Variants in PKIB observed in about 807,000 individuals in gnomAD.
The protein encoded by PKIB is cAMP-dependent protein kinase inhibitor beta, also known as PKI-beta.
Under a neutral mutation model 4.5 loss-of-function variants are expected in PKIB, and 2 were observed. The observed-to-expected ratio is 0.44, with a 90% CI of 0.18 to 1.39. PKIB has a LOEUF of 1.39. PKIB is among the 40% of genes most tolerant of loss of function. PKIB has a pLI of 0.27. For synonymous variants in PKIB, 38 were observed against 36.0 expected (o/e 1.06, Z -0.20); for missense variants, 94 against 92.6 (o/e 1.02, Z -0.06).
At chr6:122,557,702 T>C (rs1028098410) in intron 2 of PKIB, among the ~76,000 whole-genome samples, 5 of 152,146 alleles carry the variant, frequency 3.3e-5, no homozygotes, top group African/African-American at 1.2e-4. Context: ...TAACTTCCCA[T>C]AGACCTCTCA....
chr6:122,685,773 A>G (rs1280233864), intron 3 of PKIB, among the ~76,000 whole-genome samples: 2 of 152,142 alleles, frequency 1.3e-5, no homozygotes, highest in Non-Finnish European at 2.9e-5. Flanking sequence ...TGTACCCATT[A>G]ACCATCCTTT....
chr6:122,642,269 G>A (rs1469728662), intron 2 of PKIB, among the ~76,000 whole-genome samples: 1 of 152,064 alleles, frequency 6.6e-6, no homozygotes, highest in Admixed American at 6.6e-5. Flanking sequence ...TTTTAACACT[G>A]GGTTACATAG....
rs758656278 is a variant in PKIB at position 122,562,004 on chromosome 6, GT to G, written c.-247-23902del. ...TTTTTGTTTGTTTTTGTTTTTTTTTGTTTTTTTTTTTTTTTGCTTTTTAACT... is the reference window on the plus strand; with the variant it reads ...TTTTTGTTTGTTTTTGTTTTTTTTTGTTTTTTTTTTTTTTGCTTTTTAACT... On this transcript the variant is annotated intron_variant, in intron 2 of 6. Coordinates refer to the PKIB transcript ENST00000392491. Among the ~76,000 whole-genome samples the G allele has an allele frequency of 6.4e-3, 507 of 79,512 alleles. 16 individuals are homozygous for G. Among genetic ancestry groups the G allele is most frequent in the Middle Eastern group, 0.018 (2 of 110 alleles). The allele number at this position is 79,512 out of a possible 152,430, so 52.2% of individuals were successfully genotyped here.
At chr6:122,709,442 A>G (rs1305861891) in intron 3 of PKIB, among the ~76,000 whole-genome samples, 1 of 152,092 alleles carries the variant, frequency 6.6e-6, no homozygotes, top group African/African-American at 2.4e-5. Flanking sequence ...TTTGAAAAGT[A>G]GCTGAAGTCA....
chr6:122,495,941 C>G (rs1199408999), intron 2 of PKIB, among the ~76,000 whole-genome samples: 1 of 152,134 alleles, frequency 6.6e-6, no homozygotes, highest in Non-Finnish European at 1.5e-5. Flanking sequence ...CCAGATGATC[C>G]TCCTAGTCAC....
At position 122,698,836 on chromosome 6, in the gene PKIB, T is replaced by C. The variant is rs569598041; in HGVS notation, c.-8-18951T>C. Among the ~76,000 whole-genome samples, 101 of 152,194 alleles carry C rather than the reference T, an allele frequency of 6.6e-4. 2 individuals are homozygous for C. Among genetic ancestry groups the C allele is most frequent in the Non-Finnish European group, 2.2e-4 (15 of 68,034 alleles). On this transcript the variant is annotated intron_variant, in intron 3 of 4. Transcript: ENST00000368452. Reference sequence around the variant, plus strand: ...AAAAGATGTTGGACTTGTATTAACCTTGTAGGTACTGAGAGGGTTAATACC... The same window carrying C: ...AAAAGATGTTGGACTTGTATTAACCCTGTAGGTACTGAGAGGGTTAATACC...
intron 2 of PKIB, among the ~76,000 whole-genome samples, chr6:122,634,606 A>T (rs1441769252): frequency 1.3e-5 from 2 of 152,190 alleles, no homozygotes; most frequent in Non-Finnish European, 2.9e-5. Flanking sequence ...AGTGGAAGAC[A>T]TAACATTTGG....
intron 2 of PKIB, among the ~76,000 whole-genome samples, chr6:122,512,578 C>T (rs1776617499): frequency 6.6e-6 from 1 of 152,154 alleles, no homozygotes; most frequent in Non-Finnish European, 1.5e-5. Flanking sequence ...TTCCACCTGT[C>T]CATAGTTAGC....
At chr6:122,677,451 G>A (rs938691786) in intron 3 of PKIB, among the ~76,000 whole-genome samples, 3 of 152,116 alleles carry the variant, frequency 2.0e-5, no homozygotes, top group Non-Finnish European at 4.4e-5. Context: ...TACCATATAT[G>A]GATGAGGGGT....
intron 2 of PKIB, among the ~76,000 whole-genome samples, chr6:122,533,816 T>G (rs1777328845): frequency 6.6e-6 from 1 of 152,160 alleles, no homozygotes; most frequent in Admixed American, 6.6e-5. Flanking sequence ...ATTACTGTTT[T>G]TCAACTGGTC....
chr6:122,615,850 C>T (rs1774960729), intron 1 of PKIB, among the ~76,000 whole-genome samples: 1 of 152,146 alleles, frequency 6.6e-6, no homozygotes, highest in Non-Finnish European at 1.5e-5. Flanking sequence ...AAACAGATTT[C>T]CCCTCTGATT....
intron 2 of PKIB, among the ~76,000 whole-genome samples, chr6:122,645,837 T>C (rs1387068636): frequency 1.3e-5 from 2 of 152,200 alleles, no homozygotes; most frequent in Non-Finnish European, 2.9e-5. Flanking sequence ...CTGACTTCCA[T>C]ATTCCTTAGT....
At chr6:122,524,245 CT>C (rs1240575836) in intron 2 of PKIB, among the ~76,000 whole-genome samples, 1 of 143,478 alleles carries the variant, frequency 7.0e-6, no homozygotes, top group African/African-American at 2.6e-5. Flanking sequence ...CATCCTCCTT[CT>C]TTTTCTTTTC....
At chr6:122,519,461 C>G (rs1776868530) in intron 2 of PKIB, among the ~76,000 whole-genome samples, 1 of 152,154 alleles carries the variant, frequency 6.6e-6, no homozygotes, top group African/African-American at 2.4e-5. Flanking sequence ...CATCCCCCAC[C>G]TCCGTCTGTG....
intron 2 of PKIB, among the ~76,000 whole-genome samples, chr6:122,501,897 A>C (rs913186727): frequency 2.7e-5 from 4 of 150,080 alleles, no homozygotes; most frequent in Non-Finnish European, 4.4e-5. Flanking sequence ...GTTTATGCAA[A>C]TAAGCATAGG....
At chr6:122,503,560 T>C (rs1776309397) in intron 2 of PKIB, among the ~76,000 whole-genome samples, 1 of 152,162 alleles carries the variant, frequency 6.6e-6, no homozygotes, top group Non-Finnish European at 1.5e-5. Context: ...TCTTCTTTTA[T>C]GATTATAGTG....
intron 2 of PKIB, among the ~76,000 whole-genome samples, chr6:122,532,379 A>C (rs148641471): frequency 5.9e-5 from 9 of 152,284 alleles, no homozygotes; most frequent in African/African-American, 1.9e-4. Context: ...ATTGTGGTAA[A>C]ATACACAAAA....
At chr6:122,680,601 G>A (rs1777860479) in intron 3 of PKIB, among the ~76,000 whole-genome samples, 1 of 152,146 alleles carries the variant, frequency 6.6e-6, no homozygotes, top group African/African-American at 2.4e-5. Flanking sequence ...TTTATGACAA[G>A]CCTCAGGGGA....
At chr6:122,522,975 A>T (rs1224423928) in intron 2 of PKIB, among the ~76,000 whole-genome samples, 4 of 152,134 alleles carry the variant, frequency 2.6e-5, no homozygotes, top group Non-Finnish European at 5.9e-5. Context: ...GATATCTTTC[A>T]TTGTTTGTTT....
Sources: allele counts gnomAD v4.1 joint callset (sites outside exome capture counted in the v4.1 genomes callset), GRCh38; gene constraint gnomAD v4.1.1; transcripts MANE v1.5; gene names NCBI Gene and HGNC (gene_info 2026-07-23, HGNC 2026-07-21).